FOXP2: variants seen among roughly 807,000 people sequenced by gnomAD.
FOXP2 encodes forkhead box protein P2.
In FOXP2, 12 loss-of-function variants were observed where a neutral mutation model predicts 115.8. The observed-to-expected ratio is 0.10, with a 90% CI of 0.07 to 0.17. The LOEUF (loss-of-function observed/expected upper bound fraction) is 0.17. Among genes scored for constraint, FOXP2 ranks in the 10% least tolerant of loss-of-function variants. FOXP2 has a pLI of 1.00. For synonymous variants in FOXP2, 328 were observed against 297.7 expected (o/e 1.10, Z -1.05); for missense variants, 629 against 843.5 (o/e 0.75, Z 3.15).
rs1053460599 is a variant in FOXP2 at position 114,431,002 on chromosome 7, T to C, written c.168+4323T>C. On this transcript the variant is annotated intron_variant, in intron 2 of 16. Coordinates refer to ENST00000350908, the MANE Select transcript of FOXP2 (RefSeq NM_014491.4). ...ACACTTTTTTCATAGAAATGGATTT[T>C]TTAATTTATAAAAAAGGATTTAAAT... 9.9e-5 allele frequency among the ~76,000 whole-genome samples: 15 copies of C among 151,946 alleles called. 1 individual carries two copies. The highest frequency in any genetic ancestry group is 6.2e-4 in the South Asian group (3 of 4,830).
In FOXP2 at chr7:114,329,521, GA is replaced by G. The variant is rs1414515085; in HGVS notation, c.-11+41424del. ...GCGACAAGAGTGAAACTCCATCTCG[GA>G]AAAAAAAAAAAGAAAAAAAAAAGGA... On this transcript the variant is annotated intron_variant, in intron 2 of 17. Coordinates refer to the FOXP2 transcript ENST00000634411. Among the ~76,000 whole-genome samples, 121 of 97,600 alleles carry G rather than the reference GA, an allele frequency of 1.2e-3. 1 individual carries two copies. The highest frequency in any genetic ancestry group is 2.0e-3 in the South Asian group (6 of 2,994). 64.0% of individuals were successfully genotyped at this position (97,600 alleles called of 152,430 possible).
rs1251389059 is a variant in FOXP2 at position 114,691,487 on chromosome 7, C to T, written c.*1561C>T. ...ACTAACAATACACTCCCTTCAAAGA[C>T]TTGCACAGGCCAAATTGTTGGAATG... On this transcript the variant is annotated 3_prime_UTR_variant, in exon 17 of 17. Transcript: ENST00000350908. The T allele has an allele frequency of 2.2e-6, 1 of 453,864 alleles. No homozygotes were observed. Among genetic ancestry groups the T allele is most frequent in the Non-Finnish European group, 4.4e-6 (1 of 226,764 alleles). 28.1% of individuals were successfully genotyped at this position (453,864 alleles called of 1,614,324 possible). A position where few individuals can be genotyped will look rare whatever the true frequency, so the allele number is the denominator to read the frequency against.
intron 2 of FOXP2, among the ~76,000 whole-genome samples, chr7:114,351,852 ATTAAG>A (rs1308328310): frequency 3.3e-5 from 5 of 152,132 alleles, no homozygotes; most frequent in East Asian, 3.9e-4. Context: ...TGAAAAAATG[ATTAAG>A]TTATTTCAGT....
At chr7:114,315,553 G>GT (rs1249968983) in intron 2 of FOXP2, among the ~76,000 whole-genome samples, 1 of 151,718 alleles carries the variant, frequency 6.6e-6, no homozygotes, top group Non-Finnish European at 1.5e-5. Context: ...TAGCTATTAA[G>GT]TTTTTTTAGT....
chr7:114,219,741 C>T (rs932717460), intron 1 of FOXP2, among the ~76,000 whole-genome samples: 1 of 152,026 alleles, frequency 6.6e-6, no homozygotes, highest in Non-Finnish European at 1.5e-5. Flanking sequence ...GAATAATTTT[C>T]GCCTTTAATC....
chr7:114,192,465 T>A (rs1793786619), intron 1 of FOXP2, among the ~76,000 whole-genome samples: 1 of 152,218 alleles, frequency 6.6e-6, no homozygotes, highest in Admixed American at 6.5e-5. Flanking sequence ...TGTGTAGGTG[T>A]TTGTGTTTAT....
intron 1 of FOXP2, among the ~76,000 whole-genome samples, chr7:114,419,468 T>C (rs1364091322): frequency 1.3e-5 from 2 of 151,934 alleles, no homozygotes; most frequent in Admixed American, 1.3e-4. Context: ...TCACTTGTTT[T>C]ATACACACTT....
intron 16 of FOXP2, among the ~76,000 whole-genome samples, chr7:114,688,119 T>A (rs1317243056): frequency 6.6e-6 from 1 of 151,356 alleles, no homozygotes; most frequent in African/African-American, 2.4e-5. Flanking sequence ...GGTTTTTTTT[T>A]TTTTAATGTG....
chr7:114,108,476 A>G (rs942460605), intron 1 of FOXP2, among the ~76,000 whole-genome samples: 6 of 151,942 alleles, frequency 3.9e-5, no homozygotes, highest in Middle Eastern at 3.4e-3. Flanking sequence ...TTTTAAAACA[A>G]TTTTTGTATT....
chr7:114,497,440 G>T (rs1797369622), intron 2 of FOXP2, among the ~76,000 whole-genome samples: 1 of 152,116 alleles, frequency 6.6e-6, no homozygotes, highest in Non-Finnish European at 1.5e-5. Flanking sequence ...CTGAGGTCAG[G>T]ACTTTGAGAC....
At chr7:114,171,381 T>C (rs1793135614) in intron 1 of FOXP2, among the ~76,000 whole-genome samples, 1 of 152,136 alleles carries the variant, frequency 6.6e-6, no homozygotes, top group Admixed American at 6.5e-5. Context: ...AAAACCAGCC[T>C]GGGCAACATA....
intron 3 of FOXP2, among the ~76,000 whole-genome samples, chr7:114,607,649 A>C (rs1285507439): frequency 6.6e-6 from 1 of 152,178 alleles, no homozygotes; most frequent in Non-Finnish European, 1.5e-5. Context: ...AATCCAAAGA[A>C]AATGCACAGA....
At chr7:114,245,456 AC>A (rs1334814921) in intron 1 of FOXP2, among the ~76,000 whole-genome samples, 2 of 152,320 alleles carry the variant, frequency 1.3e-5, no homozygotes, top group Non-Finnish European at 2.9e-5. Context: ...AGCCTCACAT[AC>A]TTTCACAAAA....
rs773843932 is a variant in FOXP2 at position 114,680,744 on chromosome 7, TA to T, written c.2004-9021del. On this transcript the variant is annotated intron_variant, in intron 16 of 16. Transcript: ENST00000350908. ...TGGGCAACAAGAGTGAGACTCCATC[TA>T]AAAAAAAAAAAAAAAAGTTGAAGAA... Among the ~76,000 whole-genome samples, 1,091 of 119,020 alleles carry T rather than the reference TA, an allele frequency of 9.2e-3. 3 individuals carry two copies. Among genetic ancestry groups the T allele is most frequent in the African/African-American group, 0.019 (603 of 31,902 alleles). The allele number at this position is 119,020 out of a possible 152,430, so 78.1% of individuals were successfully genotyped here.
chr7:114,566,102 A>G (rs1256222058), intron 3 of FOXP2, among the ~76,000 whole-genome samples: 2 of 152,174 alleles, frequency 1.3e-5, no homozygotes, highest in Non-Finnish European at 2.9e-5. Context: ...GATATGATGG[A>G]TGTCCTAAAA....
At chr7:114,276,592 C>T (rs910704562) in intron 1 of FOXP2, among the ~76,000 whole-genome samples, 1 of 152,098 alleles carries the variant, frequency 6.6e-6, no homozygotes, top group South Asian at 2.1e-4. Flanking sequence ...ACCTGGGTCC[C>T]CCTGGAGTTA....
intron 2 of FOXP2, among the ~76,000 whole-genome samples, chr7:114,464,880 A>G (rs1430481290): frequency 6.6e-6 from 1 of 152,214 alleles, no homozygotes; most frequent in East Asian, 1.9e-4. Flanking sequence ...CATCTGTGCC[A>G]TGTTGTTTTA....
At chr7:114,652,658 A>G (rs540465856) in intron 9 of FOXP2, among the ~76,000 whole-genome samples, 2 of 152,168 alleles carry the variant, frequency 1.3e-5, no homozygotes, top group Admixed American at 1.3e-4. Flanking sequence ...TTTCCATGAG[A>G]TTTTATATTG....
intron 2 of FOXP2, among the ~76,000 whole-genome samples, chr7:114,451,812 A>G (rs1795085471): frequency 6.6e-6 from 1 of 152,086 alleles, no homozygotes; most frequent in African/African-American, 2.4e-5. Flanking sequence ...CAGATTGAGA[A>G]AGTGACAATT....
Sources: allele counts gnomAD v4.1 joint callset (sites outside exome capture counted in the v4.1 genomes callset), GRCh38; gene constraint gnomAD v4.1.1; transcripts MANE v1.5; gene names NCBI Gene and HGNC (gene_info 2026-07-23, HGNC 2026-07-21).